MYLK4: variants seen among roughly 807,000 people sequenced by gnomAD.
MYLK4 encodes caMLCK like.
MYLK4 carries 46 observed loss-of-function variants against 48.1 expected under a neutral mutation model. The observed-to-expected ratio is 0.96, with a 90% CI of 0.75 to 1.22. The LOEUF is 1.22. Among genes scored for constraint, MYLK4 ranks in the 50% most tolerant of loss-of-function variants. The pLI is 0.00. For missense variants in MYLK4, 451 were observed against 486.1 expected (o/e 0.93, Z 0.68); for synonymous variants, 170 against 180.8 (o/e 0.94, Z 0.48).
intron 2 of MYLK4, among the ~76,000 whole-genome samples, chr6:2,743,008 G>A (rs1330914274): frequency 2.0e-5 from 3 of 152,116 alleles, no homozygotes; most frequent in Admixed American, 6.5e-5. Context: ...TCTTCTGGGG[G>A]CATGTGAAGA....
chr6:2,697,976 C>T (rs1582062376), intron 2 of MYLK4, among the ~76,000 whole-genome samples: 2 of 152,340 alleles, frequency 1.3e-5, no homozygotes, highest in Admixed American at 1.3e-4. Context: ...AGCCAGGCTG[C>T]CCTGGGGGCC....
At chr6:2,680,567 A>G in intron 7 of MYLK4, 1 of 985,406 alleles carries the variant, frequency 1.0e-6, no homozygotes, top group Non-Finnish European at 1.2e-6. Flanking sequence ...GGGGAGCAAG[A>G]AAAGGAGGTT....
the MYLK4 span, chr6:2,765,451 C>T: frequency 3.9e-6 from 3 of 766,822 alleles, no homozygotes; most frequent in Non-Finnish European, 5.2e-6. Context: ...CGGGCGGACG[C>T]GGGAGCTGCG....
chr6:2,671,382 G>C, intron 11 of MYLK4, 34 bp from the exon 12 acceptor site: 2 of 1,600,500 alleles, frequency 1.2e-6, no homozygotes, highest in Non-Finnish European at 1.7e-6. Flanking sequence ...GGAAGGATTA[G>C]GACTGTTTCC....
At chr6:2,766,213 C>A in the MYLK4 span, 1 of 1,469,280 alleles carries the variant, frequency 6.8e-7, no homozygotes, top group Non-Finnish European at 9.0e-7. Flanking sequence ...CCGAAGCCGC[C>A]ACCGCCTTCG....
chr6:2,709,535 T>C (rs1199941177), intron 2 of MYLK4, among the ~76,000 whole-genome samples: 1 of 152,230 alleles, frequency 6.6e-6, no homozygotes, highest in Non-Finnish European at 1.5e-5. Context: ...CTGAGGTTCA[T>C]GAATGGCACC....
At chr6:2,695,292 G>A (rs564083693) in intron 2 of MYLK4, among the ~76,000 whole-genome samples, 10 of 152,312 alleles carry the variant, frequency 6.6e-5, no homozygotes, top group Admixed American at 1.3e-4. Flanking sequence ...ATAAGCATAC[G>A]TGGATTTAAT....
chr6:2,704,858 T>C (rs1762429877), intron 2 of MYLK4, among the ~76,000 whole-genome samples: 1 of 152,222 alleles, frequency 6.6e-6, no homozygotes. Context: ...CTTTACAATA[T>C]ATTTCTAATG....
At chr6:2,684,294 G>A (rs12523845) in intron 6 of MYLK4, among the ~76,000 whole-genome samples, 5 of 152,142 alleles carry the variant, frequency 3.3e-5, no homozygotes, top group Non-Finnish European at 4.4e-5. Flanking sequence ...GGGTGGGACC[G>A]AGCGGGACGG....
At chr6:2,694,265 C>A (rs185600784) in intron 2 of MYLK4, among the ~76,000 whole-genome samples, 10 of 151,874 alleles carry the variant, frequency 6.6e-5, no homozygotes, top group African/African-American at 2.4e-4. Flanking sequence ...AATGGGCTGC[C>A]GCCTCTTCAA....
At chr6:2,739,796 C>T (rs572975028) in intron 2 of MYLK4, among the ~76,000 whole-genome samples, 9 of 152,328 alleles carry the variant, frequency 5.9e-5, no homozygotes, top group African/African-American at 2.2e-4. Flanking sequence ...GAGAAATGTA[C>T]TGATAGCAGT....
the MYLK4 span, among the ~76,000 whole-genome samples, chr6:2,765,052 G>A: frequency 6.6e-6 from 1 of 152,076 alleles, no homozygotes; most frequent in African/African-American, 2.4e-5. Context: ...CCGGGAAAGC[G>A]GCGCTCGCCG....
At chr6:2,746,334 G>A (rs12194035) in intron 2 of MYLK4, among the ~76,000 whole-genome samples, 16,193 of 151,838 alleles carry the variant, frequency 0.11, 923 homozygotes, top group South Asian at 0.17. Flanking sequence ...TAAGTAGAAG[G>A]AAGAAAAGAA....
intron 2 of MYLK4, among the ~76,000 whole-genome samples, chr6:2,741,591 C>A (rs1763902325): frequency 6.6e-6 from 1 of 152,148 alleles, no homozygotes; most frequent in African/African-American, 2.4e-5. Flanking sequence ...ACATTCATAT[C>A]ATAAATAGGA....
chr6:2,669,793 C>T (rs1050505891), intron 12 of MYLK4, among the ~76,000 whole-genome samples: 6 of 152,172 alleles, frequency 3.9e-5, no homozygotes, highest in Non-Finnish European at 5.9e-5. Flanking sequence ...CATGTCCTTG[C>T]TGTTTTTAAC....
chr6:2,714,842 T>C (rs1762809566), intron 2 of MYLK4, among the ~76,000 whole-genome samples: 2 of 152,216 alleles, frequency 1.3e-5, no homozygotes, highest in Admixed American at 1.3e-4. Context: ...TTATGCTCAG[T>C]GAAATAAGCC....
chr6:2,765,939 A>G, the MYLK4 span: 3 of 1,443,456 alleles, frequency 2.1e-6, no homozygotes, highest in Non-Finnish European at 2.7e-6. Flanking sequence ...GGCGAGACCG[A>G]GAGCCGCGAG....
chr6:2,765,548 G>C, the MYLK4 span: 12 of 1,359,596 alleles, frequency 8.8e-6, no homozygotes, highest in Non-Finnish European at 9.4e-6. Flanking sequence ...GGGGCCTAGC[G>C]GAGGGCATCG....
the MYLK4 span, chr6:2,770,204 G>C: frequency 6.2e-7 from 1 of 1,614,078 alleles, no homozygotes; most frequent in Non-Finnish European, 8.5e-7. Flanking sequence ...GGTCAACGCT[G>C]CTCTTCTGAG....
Sources: allele counts gnomAD v4.1 joint callset (sites outside exome capture counted in the v4.1 genomes callset), GRCh38; gene constraint gnomAD v4.1.1; transcripts MANE v1.5; gene names NCBI Gene and HGNC (gene_info 2026-07-23, HGNC 2026-07-21).